QPCTL: variants seen among roughly 807,000 people sequenced by gnomAD.
The protein encoded by QPCTL is glutaminyl-peptide cyclotransferase like.
Under a neutral mutation model 34.6 loss-of-function variants are expected in QPCTL, and 31 were observed. The ratio of observed to expected loss-of-function variants is 0.90; its 90% CI spans 0.67 to 1.21. QPCTL has a LOEUF of 1.21. Ranked by LOEUF, QPCTL falls within the 50% of genes most tolerant of loss-of-function variation. The pLI is 0.00. For synonymous variants in QPCTL, 223 were observed against 226.9 expected (o/e 0.98, Z 0.15); for missense variants, 474 against 507.8 (o/e 0.93, Z 0.64).
chr19:45,703,131 T>TG lies in QPCTL; in HGVS notation c.*82_*83insG. The TG allele has an allele frequency of 6.5e-7, 1 of 1,541,152 alleles. No individual in the cohort carries two copies. Among genetic ancestry groups the TG allele is most frequent in the Non-Finnish European group, 8.9e-7 (1 of 1,121,816 alleles). On this transcript the variant is annotated 3_prime_UTR_variant, in exon 7 of 7. Coordinates refer to ENST00000012049, the MANE Select transcript of QPCTL (RefSeq NM_017659.4). Reference sequence around the variant, plus strand: ...CAGTGAAGCTCAGGCAGGATCTGCCTAGGGTGTGCTGGTTTGTCCTTTTCA... The same window carrying TG: ...CAGTGAAGCTCAGGCAGGATCTGCCTGAGGGTGTGCTGGTTTGTCCTTTTCA...
Position 45,703,104 on chromosome 19 carries a change from G to C in QPCTL, c.*55G>C. 1 of 1,603,700 alleles carries C rather than the reference G, an allele frequency of 6.2e-7. No individual in the cohort carries two copies. Among genetic ancestry groups the C allele is most frequent in the Non-Finnish European group, 8.5e-7 (1 of 1,171,382 alleles). On this transcript the variant is annotated 3_prime_UTR_variant, in exon 7 of 7. Transcript: ENST00000012049. ...TGTGAGAGAGAAGGTCCCAGCGGGGGCCAGTGAAGCTCAGGCAGGATCTGC... is the reference window on the plus strand; with the variant it reads ...TGTGAGAGAGAAGGTCCCAGCGGGGCCCAGTGAAGCTCAGGCAGGATCTGC...
Position 45,692,778 on chromosome 19 carries a change from G to GA in QPCTL, c.77dup (p.Arg27AlafsTer34). 2.5e-6 allele frequency: 4 copies of GA among 1,589,088 alleles called. No homozygotes were observed. Among genetic ancestry groups the GA allele is most frequent in the Non-Finnish European group, 3.4e-6 (4 of 1,167,730 alleles). On this transcript the variant is annotated frameshift_variant, in exon 1 of 7. Coordinates refer to ENST00000012049, the MANE Select transcript of QPCTL (RefSeq NM_017659.4). LOFTEE classifies it high-confidence loss of function. ...GCCTCATGGAGCCACTCTTGCCGCC[G>GA]AAGCGCCGCCTGCTACCGCGGGTTC...
chr19:45,700,787 C>T (rs967687943), intron 5 of QPCTL, among the ~76,000 whole-genome samples: 1 of 151,636 alleles, frequency 6.6e-6, no homozygotes, highest in African/African-American at 2.4e-5. Context: ...GGTGAAACCC[C>T]ATCTCTACTA....
chr19:45,702,945 G>A lies in QPCTL; in HGVS notation c.1045G>A (p.Val349Ile), dbSNP rs75750268. The change falls in exon 7 of 7, where the codon GTC becomes ATC. Residue 349 changes from valine to isoleucine, a missense_variant. By Grantham distance (29) the Val-to-Ile change is conservative (BLOSUM62 3). Coordinates refer to ENST00000012049, the MANE Select transcript of QPCTL (RefSeq NM_017659.4). The part of the protein sequence containing the change: ...LHLISTPFPA[V>I]WHTPADTEVN... ...TCTCATCTCCACGCCCTTCCCTGCT[G>A]TCTGGCACACCCCTGCGGACACCGA... is the stretch of plus-strand genomic sequence containing the variant. 3,522 of 1,614,046 alleles carry A rather than the reference G, an allele frequency of 2.2e-3. 81 individuals carry two copies. In the African/African-American group the frequency reaches 0.043, roughly 20 times the overall value.
intron 3 of QPCTL, among the ~76,000 whole-genome samples, chr19:45,696,205 T>C (rs1285912191): frequency 6.6e-6 from 1 of 152,030 alleles, no homozygotes; most frequent in Non-Finnish European, 1.5e-5. Context: ...TTGCTCACTC[T>C]GCTGTAGCCA....
rs1053228660 is a variant in QPCTL, at chr19:45,701,118, A to G, written c.887-680A>G. 2.3e-3 allele frequency among the ~76,000 whole-genome samples: 353 copies of G among 151,054 alleles called. 2 individuals are homozygous for G. Among genetic ancestry groups the G allele is most frequent in the African/African-American group, 8.1e-3 (336 of 41,288 alleles). The stretch of plus-strand genomic sequence containing the variant: ...ATCCCATTTCTACACACACGCGCAC[A>G]CACACACACACACACAATTACCCAG... On this transcript the variant is annotated intron_variant, in intron 5 of 6. Coordinates refer to ENST00000012049, the MANE Select transcript of QPCTL (RefSeq NM_017659.4).
At chr19:45,698,092 A>C (rs1967734228) in intron 3 of QPCTL, among the ~76,000 whole-genome samples, 1 of 151,936 alleles carries the variant, frequency 6.6e-6, no homozygotes, top group Admixed American at 6.6e-5. Flanking sequence ...AAAATACAAA[A>C]ATTAGCCAGG....
intron 5 of QPCTL, among the ~76,000 whole-genome samples, chr19:45,701,098 A>C (rs1967801678): frequency 7.1e-6 from 1 of 140,198 alleles, no homozygotes; most frequent in Non-Finnish European, 1.5e-5. Flanking sequence ...GGAAGATCCC[A>C]TTTCTACACA....
chr19:45,694,615 T>C (rs972308437), intron 2 of QPCTL, among the ~76,000 whole-genome samples: 1 of 150,894 alleles, frequency 6.6e-6, no homozygotes, highest in Non-Finnish European at 1.5e-5. Context: ...GGATTACAGG[T>C]GTGCACCACC....
At chr19:45,695,788 C>T (rs1967680466) in intron 3 of QPCTL, 70 bp downstream of exon 3, 14 of 1,473,458 alleles carry the variant, frequency 9.5e-6, no homozygotes, top group Non-Finnish European at 1.2e-5. Context: ...CCTCCCTTGC[C>T]TGGACATTTG....
At chr19:45,693,734 C>A (rs547382654) in intron 2 of QPCTL, among the ~76,000 whole-genome samples, 178 bp downstream of exon 2, 1 of 152,118 alleles carries the variant, frequency 6.6e-6, no homozygotes, top group Non-Finnish European at 1.5e-5. Context: ...CCCTTAATGC[C>A]CCCACCAAAA....
At position 45,703,978 on chromosome 19, in the gene QPCTL, T is replaced by G. The variant is rs1240111531; in HGVS notation, c.*929T>G. ...AATAAATAAATAAATAAATAAATAT[T>G]TTTTAAAAAGAGTAAAAGACTAAAA... is the stretch of plus-strand genomic sequence containing the variant. On this transcript the variant is annotated 3_prime_UTR_variant, in exon 7 of 7. Coordinates refer to ENST00000012049, the MANE Select transcript of QPCTL (RefSeq NM_017659.4). 2 of 144,808 alleles carry G rather than the reference T, an allele frequency of 1.4e-5. No individual in the cohort carries two copies. Among genetic ancestry groups the G allele is most frequent in the Non-Finnish European group, 1.5e-5 (1 of 64,906 alleles). 9.0% of individuals were successfully genotyped at this position (144,808 alleles called of 1,614,324 possible).
chr19:45,697,910 C>T (rs1284457830), intron 3 of QPCTL, among the ~76,000 whole-genome samples: 1 of 152,136 alleles, frequency 6.6e-6, no homozygotes, highest in Non-Finnish European at 1.5e-5. Context: ...ATATGCCAGG[C>T]ACTGTTCTAA....
chr19:45,700,456 T>TAAATAAAC (rs1967788198), intron 5 of QPCTL, among the ~76,000 whole-genome samples: 1 of 151,070 alleles, frequency 6.6e-6, no homozygotes, highest in Admixed American at 6.6e-5. Flanking sequence ...AATAAATAAA[T>TAAATAAAC]AAATAAACAA....
rs149100483 is a variant in QPCTL, at chr19:45,702,452, G to A, written c.1004-452G>A. Among the ~76,000 whole-genome samples, 7 of 150,394 alleles carry A rather than the reference G, an allele frequency of 4.7e-5. 1 individual carries two copies. In the East Asian group the frequency reaches 1.2e-3, roughly 25 times the overall value. On this transcript the variant is annotated intron_variant, in intron 6 of 6. Transcript: ENST00000012049. ...CACTCTAGCCTGGACAACAGAGGGTGATGATATCTCAAAAAAAAAAAAAGT... is the reference window on the plus strand; with the variant it reads ...CACTCTAGCCTGGACAACAGAGGGTAATGATATCTCAAAAAAAAAAAAAGT...
At chr19:45,694,823 A>G (rs1346890841) in intron 2 of QPCTL, among the ~76,000 whole-genome samples, 1 of 152,110 alleles carries the variant, frequency 6.6e-6, no homozygotes, top group African/African-American at 2.4e-5. Context: ...AAATGGGGTC[A>G]TGTATTGGCA....
chr19:45,702,865 G>A, intron 6 of QPCTL, 39 bp from the exon 7 acceptor site: 1 of 1,612,858 alleles, frequency 6.2e-7, no homozygotes, highest in Non-Finnish European at 8.5e-7. Flanking sequence ...GTTGTGGTGG[G>A]CTGCAGTGGA....
At chr19:45,697,969 G>A (rs896559714) in intron 3 of QPCTL, among the ~76,000 whole-genome samples, 6 of 152,262 alleles carry the variant, frequency 3.9e-5, no homozygotes, top group South Asian at 2.1e-4. Flanking sequence ...ATTGCCGGGC[G>A]CGGTGGCTCA....
intron 1 of QPCTL, 96 bp downstream of exon 1, chr19:45,693,006 C>A: frequency 8.0e-7 from 1 of 1,250,518 alleles, no homozygotes; most frequent in Non-Finnish European, 1.1e-6. Context: ...GCCCTAACCG[C>A]AGATGCCACC....
Sources: gnomAD v4.1 joint callset for allele counts (sites outside exome capture counted in the v4.1 genomes callset) on GRCh38, gnomAD v4.1.1 for gene constraint, MANE v1.5 for transcripts, NCBI Gene and HGNC (gene_info 2026-07-23, HGNC 2026-07-21) for gene names.